Variants in GPHN observed in about 807,000 individuals in gnomAD.
The protein encoded by GPHN is gephyrin.
In GPHN, 17 loss-of-function variants were observed where a neutral mutation model predicts 95.5. The ratio of observed to expected loss-of-function variants is 0.18; its 90% CI spans 0.12 to 0.27. The LOEUF (loss-of-function observed/expected upper bound fraction) is 0.27. GPHN is among the 10% of genes least tolerant of loss of function. The pLI, the probability that GPHN is intolerant of heterozygous loss-of-function variation, is 1.00. For synonymous variants in GPHN, 320 were observed against 322.5 expected (o/e 0.99, Z 0.08); for missense variants, 660 against 978.1 (o/e 0.67, Z 4.34).
At chr14:67,410,649 T>A in the GPHN span, among the ~76,000 whole-genome samples, 2 of 152,134 alleles carry the variant, frequency 1.3e-5, no homozygotes, top group African/African-American at 2.4e-5. Flanking sequence ...TGTGGACACA[T>A]TTTGTGGGGA....
At chr14:66,544,667 TGGAGGGAA>T (rs2059469141) in intron 1 of GPHN, among the ~76,000 whole-genome samples, 1 of 151,644 alleles carries the variant, frequency 6.6e-6, no homozygotes, top group Non-Finnish European at 1.5e-5. Flanking sequence ...AGGACAATAG[TGGAGGGAA>T]GGTCAGCAGA....
chr14:67,202,102 T>C, the GPHN span, among the ~76,000 whole-genome samples: 1 of 152,160 alleles, frequency 6.6e-6, no homozygotes, highest in African/African-American at 2.4e-5. Context: ...TTGGTACGTG[T>C]TCAGGAAATT....
intron 1 of GPHN, among the ~76,000 whole-genome samples, chr14:66,615,873 A>G (rs1051495127): frequency 6.6e-6 from 1 of 151,712 alleles, no homozygotes; most frequent in African/African-American, 2.4e-5. Flanking sequence ...TTAAGTCTTT[A>G]ATCCATCTTG....
intron 1 of GPHN, among the ~76,000 whole-genome samples, chr14:66,531,486 A>G (rs2058936933): frequency 6.6e-6 from 1 of 152,184 alleles, no homozygotes; most frequent in Non-Finnish European, 1.5e-5. Context: ...TGAAACATTC[A>G]TTTCTGATTT....
At chr14:67,454,723 A>G in the GPHN span, 2 of 152,222 alleles carry the variant, frequency 1.3e-5, no homozygotes, top group African/African-American at 2.4e-5. Flanking sequence ...GACTTTAATA[A>G]GTTATATAAT....
chr14:67,570,029 C>T, the GPHN span: 33 of 1,500,302 alleles, frequency 2.2e-5, no homozygotes, highest in Non-Finnish European at 2.9e-5. Context: ...AACTGCTGCA[C>T]AAAGAGGGGG....
intron 8 of GPHN, among the ~76,000 whole-genome samples, chr14:66,931,100 T>G (rs1298050138): frequency 6.6e-6 from 1 of 152,038 alleles, no homozygotes; most frequent in Non-Finnish European, 1.5e-5. Flanking sequence ...TCCTTCATGT[T>G]TGAAGGACAT....
At chr14:67,177,763 T>A (rs1282532664) in intron 21 of GPHN, among the ~76,000 whole-genome samples, 28 of 152,220 alleles carry the variant, frequency 1.8e-4, no homozygotes, top group Non-Finnish European at 1.2e-4. Context: ...TGGGGGCTCC[T>A]GTATTGGGTG....
At chr14:66,680,364 C>G (rs1468344560) in intron 1 of GPHN, among the ~76,000 whole-genome samples, 1 of 152,206 alleles carries the variant, frequency 6.6e-6, no homozygotes, top group Non-Finnish European at 1.5e-5. Context: ...TACATCTGTT[C>G]TAGTGTGACT....
At chr14:66,560,896 AT>A (rs1484519912) in intron 1 of GPHN, among the ~76,000 whole-genome samples, 4 of 152,116 alleles carry the variant, frequency 2.6e-5, no homozygotes, top group African/African-American at 9.7e-5. Context: ...GATAGCTCTT[AT>A]TATTTTGAAA....
At chr14:66,982,973 G>A (rs986069691) in intron 9 of GPHN, among the ~76,000 whole-genome samples, 6 of 152,014 alleles carry the variant, frequency 3.9e-5, no homozygotes, top group African/African-American at 7.2e-5. Flanking sequence ...GCATTTGGCC[G>A]GGCACGGTGG....
chr14:67,458,250 G>C, the GPHN span, among the ~76,000 whole-genome samples: 3 of 152,130 alleles, frequency 2.0e-5, no homozygotes, highest in Non-Finnish European at 4.4e-5. Context: ...ATGGATTTGT[G>C]GGGTGGAGCT....
chr14:66,761,429 T>C (rs1277154646), intron 2 of GPHN, among the ~76,000 whole-genome samples: 1 of 152,214 alleles, frequency 6.6e-6, no homozygotes, highest in Non-Finnish European at 1.5e-5. Flanking sequence ...ACTAACAATT[T>C]GTATGACAGT....
chr14:66,823,316 C>G (rs1177833122), intron 3 of GPHN: 1 of 152,026 alleles, frequency 6.6e-6, no homozygotes, highest in Non-Finnish European at 1.5e-5. Context: ...TTTTATATAC[C>G]AGAAAGAATA....
intron 4 of GPHN, among the ~76,000 whole-genome samples, chr14:66,868,016 T>C (rs1451719288): frequency 3.9e-5 from 6 of 152,136 alleles, no homozygotes; most frequent in Non-Finnish European, 7.3e-5. Flanking sequence ...GGCCCAGCAA[T>C]CTGTATTTTA....
chr14:67,298,293 C>G, the GPHN span, among the ~76,000 whole-genome samples: 1 of 151,922 alleles, frequency 6.6e-6, no homozygotes, highest in Non-Finnish European at 1.5e-5. Context: ...GGGGCCGGAC[C>G]ACCTGAGGTC....
At chr14:67,692,975 G>A in the GPHN span, 1 of 1,614,012 alleles carries the variant, frequency 6.2e-7, no homozygotes, top group Non-Finnish European at 8.5e-7. Flanking sequence ...CCCGATACCT[G>A]TATTAGCTCC....
chr14:67,050,451 A>G (rs568876864), intron 10 of GPHN, among the ~76,000 whole-genome samples: 3 of 152,228 alleles, frequency 2.0e-5, no homozygotes, highest in South Asian at 2.1e-4. Flanking sequence ...TCTAAAAGTG[A>G]CAGAGAATAC....
the GPHN span, chr14:67,727,312 G>A: frequency 5.1e-6 from 4 of 787,972 alleles, no homozygotes; most frequent in South Asian, 4.4e-5. Context: ...GGACTAAGGA[G>A]AATGAAATTA....
Sources: gnomAD v4.1 joint callset for allele counts (sites outside exome capture counted in the v4.1 genomes callset) on GRCh38, gnomAD v4.1.1 for gene constraint, MANE v1.5 for transcripts, NCBI Gene and HGNC (gene_info 2026-07-23, HGNC 2026-07-21) for gene names.